NBEA: variants seen among roughly 807,000 people sequenced by gnomAD.
NBEA encodes the protein neurobeachin.
In NBEA, 44 loss-of-function variants were observed where a neutral mutation model predicts 343.4. The ratio of observed to expected loss-of-function variants is 0.13; its 90% confidence interval spans 0.10 to 0.16. NBEA has a LOEUF of 0.16. Among genes scored for constraint, NBEA ranks in the 10% least tolerant of loss-of-function variants. The pLI, the probability that NBEA is intolerant of heterozygous loss-of-function variation, is 1.00. For synonymous variants in NBEA, 1,175 were observed against 1,238.7 expected (o/e 0.95, Z 1.08); for missense variants, 2,555 against 3,631.3 (o/e 0.70, Z 7.62).
At chr13:35,591,248 T>G (rs2081524673) in intron 46 of NBEA, among the ~76,000 whole-genome samples, 1 of 152,070 alleles carries the variant, frequency 6.6e-6, no homozygotes, top group South Asian at 2.1e-4. Context: ...CCACCAAGAT[T>G]CAAACTTAAA....
chr13:35,384,521 CTTTT>C (rs938208413), intron 38 of NBEA, among the ~76,000 whole-genome samples: 3 of 119,046 alleles, frequency 2.5e-5, no homozygotes, highest in Admixed American at 8.5e-5. Flanking sequence ...CTTGAATAAT[CTTTT>C]TTTTTTTTTT....
chr13:35,157,131 T>G lies in NBEA; in HGVS notation c.2705T>G (p.Ile902Ser). ...WQDWMFSLGY[I>S]NPKNSEEQKI... ...GATTGGATGTTTTCTCTTGGCTATA[T>G]CAATCCTAAAAATTCTGAGGAACAG... Residue 902 changes from isoleucine to serine, a missense_variant, in exon 21 of 59, where the codon ATC (isoleucine) becomes AGC (serine). Physicochemically the swap from Ile to Ser is moderately radical, Grantham distance 142. Around this residue, in one of 21 missense-constraint regions of NBEA, gnomAD observed 360 missense variants for 519.1 expected, o/e 0.69. Coordinates refer to ENST00000379939, the MANE Select transcript of NBEA (RefSeq NM_001385012.1). 1 of 1,607,766 alleles carries G rather than the reference T, an allele frequency of 6.2e-7. No homozygotes were observed. The highest frequency in any genetic ancestry group is 8.5e-7 in the Non-Finnish European group (1 of 1,176,836).
intron 55 of NBEA, among the ~76,000 whole-genome samples, chr13:35,656,072 T>C (rs1474991203): frequency 1.3e-5 from 2 of 152,242 alleles, no homozygotes; most frequent in African/African-American, 4.8e-5. Flanking sequence ...ATATTATTTC[T>C]TTCAGCTGAA....
chr13:35,322,861 G>C (rs1046328021), intron 36 of NBEA, among the ~76,000 whole-genome samples: 1 of 152,136 alleles, frequency 6.6e-6, no homozygotes, highest in East Asian at 1.9e-4. Context: ...ATTATATTTT[G>C]TTTTTTGAGA....
intron 34 of NBEA, among the ~76,000 whole-genome samples, chr13:35,248,327 A>G (rs2031502005): frequency 6.6e-6 from 1 of 152,208 alleles, no homozygotes; most frequent in Non-Finnish European, 1.5e-5. Flanking sequence ...AATGTAATAC[A>G]TCACACAGAA....
intron 41 of NBEA, among the ~76,000 whole-genome samples, chr13:35,532,021 G>A (rs1227820237): frequency 1.3e-5 from 2 of 152,098 alleles, no homozygotes; most frequent in African/African-American, 4.8e-5. Flanking sequence ...CTGTCTGTTG[G>A]ACTTTGCTTT....
intron 1 of NBEA, among the ~76,000 whole-genome samples, chr13:35,018,153 T>C (rs1026136724): frequency 1.3e-5 from 2 of 152,164 alleles, no homozygotes; most frequent in African/African-American, 4.8e-5. Context: ...TTTTGTGGCT[T>C]CCTTGTAAGT....
At chr13:35,278,703 C>A (rs1487431815) in intron 34 of NBEA, among the ~76,000 whole-genome samples, 1 of 152,016 alleles carries the variant, frequency 6.6e-6, no homozygotes, top group Non-Finnish European at 1.5e-5. Context: ...CCCAGTAAGA[C>A]CTGAAGGAAG....
At chr13:35,261,748 T>C (rs1024584899) in intron 34 of NBEA, among the ~76,000 whole-genome samples, 2 of 152,030 alleles carry the variant, frequency 1.3e-5, no homozygotes, top group African/African-American at 4.8e-5. Context: ...ACCAGAGCCA[T>C]AGAAACCTAT....
intron 41 of NBEA, among the ~76,000 whole-genome samples, chr13:35,544,664 T>G (rs1033782858): frequency 1.3e-5 from 2 of 152,200 alleles, no homozygotes; most frequent in Non-Finnish European, 2.9e-5. Context: ...TGAACTAAAA[T>G]TCATAAGTGA....
intron 41 of NBEA, among the ~76,000 whole-genome samples, chr13:35,513,934 A>G (rs1044596977): frequency 1.3e-5 from 2 of 152,262 alleles, no homozygotes; most frequent in East Asian, 1.9e-4. Context: ...ATTTTTTGTC[A>G]TAACTATTTG....
intron 48 of NBEA, among the ~76,000 whole-genome samples, chr13:35,610,895 G>T (rs1381898655): frequency 1.3e-5 from 2 of 151,918 alleles, no homozygotes; most frequent in Non-Finnish European, 2.9e-5. Flanking sequence ...AGGGGCAAAA[G>T]AATCTTCAGC....
intron 11 of NBEA, among the ~76,000 whole-genome samples, chr13:35,100,168 A>G (rs1256549869): frequency 6.6e-6 from 1 of 152,120 alleles, no homozygotes; most frequent in Non-Finnish European, 1.5e-5. Context: ...ACATCAATTG[A>G]ATATTATTTA....
intron 1 of NBEA, among the ~76,000 whole-genome samples, chr13:34,978,265 A>T (rs1162211392): frequency 6.6e-6 from 1 of 152,234 alleles, no homozygotes; most frequent in Non-Finnish European, 1.5e-5. Flanking sequence ...CACAGACTTC[A>T]GATAACTAAT....
At chr13:35,414,222 A>G (rs1173025613) in intron 38 of NBEA, among the ~76,000 whole-genome samples, 1 of 141,024 alleles carries the variant, frequency 7.1e-6, no homozygotes, top group African/African-American at 2.7e-5. Context: ...TAATAGTCAC[A>G]TCTACAGTTA....
intron 1 of NBEA, among the ~76,000 whole-genome samples, chr13:34,984,998 ACTT>A (rs1267738138): frequency 6.6e-6 from 1 of 150,938 alleles, no homozygotes; most frequent in Admixed American, 6.6e-5. Flanking sequence ...GGACAATTTG[ACTT>A]CTTCTTTTCC....
chr13:35,574,720 TA>T (rs2080644642), intron 45 of NBEA, among the ~76,000 whole-genome samples: 1 of 151,690 alleles, frequency 6.6e-6, no homozygotes, highest in South Asian at 2.1e-4. Context: ...ACCCTGTCTC[TA>T]CAAAAAATTA....
At chr13:35,111,038 C>T (rs2066176296) in intron 13 of NBEA, 60 bp downstream of exon 13, 1 of 1,406,898 alleles carries the variant, frequency 7.1e-7, no homozygotes, top group Non-Finnish European at 9.7e-7. Context: ...ATTCTGAGTA[C>T]TGTTAAAGTG....
chr13:35,082,477 C>T (rs2064466639), intron 10 of NBEA, among the ~76,000 whole-genome samples: 1 of 152,144 alleles, frequency 6.6e-6, no homozygotes, highest in South Asian at 2.1e-4. Context: ...GTTCTAGATC[C>T]CTGAGGAATC....
Sources: allele counts gnomAD v4.1 joint callset (sites outside exome capture counted in the v4.1 genomes callset), GRCh38; gene constraint gnomAD v4.1.1; regional missense constraint gnomAD v4.1.1; transcripts MANE v1.5; gene names NCBI Gene and HGNC (gene_info 2026-07-23, HGNC 2026-07-21).